The following TMCO1 variants were observed in gnomAD, a reference collection of about 807,000 sequenced individuals.
The protein encoded by TMCO1 is transmembrane and coiled-coil domains 1, also known as calcium load-activated calcium channel.
A neutral mutation model predicts 29.3 loss-of-function variants in TMCO1; 29 were observed. That is an observed-to-expected ratio of 0.99 (90% CI 0.74 to 1.35). TMCO1 has a LOEUF of 1.35. Among genes scored for constraint, TMCO1 ranks in the 40% most tolerant of loss-of-function variants. The pLI is 0.00. For synonymous variants in TMCO1, 80 were observed against 77.1 expected (o/e 1.04, Z -0.20); for missense variants, 173 against 225.5 (o/e 0.77, Z 1.49).
chr1:165,732,389 A>T lies in TMCO1; in HGVS notation c.469-4268T>A, dbSNP rs1477622842. ...GAATAAAAAAATCACATAAAGAAGC[A>T]AAAAAAAAAAAAAAAAGGAATAAAA... On this transcript the variant is annotated intron_variant, in intron 6 of 6. Coordinates refer to ENST00000367881, the MANE Select transcript of TMCO1 (RefSeq NM_019026.6). 3.0e-4 allele frequency among the ~76,000 whole-genome samples: 9 copies of T among 30,256 alleles called. 1 individual carries two copies. The highest frequency in any genetic ancestry group is 1.3e-3 in the African/African-American group (8 of 6,338). 19.8% of individuals were successfully genotyped at this position (30,256 alleles called of 152,430 possible).
At chr1:165,751,973 A>T in intron 5 of TMCO1, 129 bp downstream of exon 5, 1 of 752,948 alleles carries the variant, frequency 1.3e-6, no homozygotes, top group Non-Finnish European at 2.3e-6. Flanking sequence ...TGGATATACT[A>T]TTCTTGCAAC....
At chr1:165,763,203 G>C (rs191147727) in intron 2 of TMCO1, among the ~76,000 whole-genome samples, 1 of 152,034 alleles carries the variant, frequency 6.6e-6, no homozygotes, top group South Asian at 2.1e-4. Context: ...TTCATACTAC[G>C]TTCTGAATAC....
chr1:165,759,524 C>G lies in TMCO1; in HGVS notation c.208+1G>C. On this transcript the variant is annotated splice_donor_variant, in intron 3 of 6. Coordinates refer to ENST00000367881, the MANE Select transcript of TMCO1 (RefSeq NM_019026.6). LOFTEE classifies it high-confidence loss of function. Reference sequence around the variant, plus strand: ...TCATTTTGACTAATATCTCATCTTACCTATTTTCTTTTTCTGTTGTCGACC... The same window carrying G: ...TCATTTTGACTAATATCTCATCTTAGCTATTTTCTTTTTCTGTTGTCGACC... 1 of 1,609,852 alleles carries G rather than the reference C, an allele frequency of 6.2e-7. No homozygotes were observed.
chr1:165,731,425 A>AT (rs1219691631), intron 6 of TMCO1, among the ~76,000 whole-genome samples: 2 of 152,230 alleles, frequency 1.3e-5, no homozygotes, highest in African/African-American at 2.4e-5. Context: ...GCTGATAAAC[A>AT]TATTTGTCTA....
chr1:165,753,579 A>G (rs1297801607), intron 4 of TMCO1, among the ~76,000 whole-genome samples: 3 of 151,264 alleles, frequency 2.0e-5, no homozygotes, highest in Non-Finnish European at 4.4e-5. Flanking sequence ...ACTTGAGCCC[A>G]GGAATTCAAG....
intron 5 of TMCO1, among the ~76,000 whole-genome samples, chr1:165,744,482 T>C (rs1651714736): frequency 6.6e-6 from 1 of 152,178 alleles, no homozygotes. Flanking sequence ...AGAAGTTATG[T>C]GTTAAATGAC....
In TMCO1 at chr1:165,753,958, T is replaced by G. The variant is rs186074805; in HGVS notation, c.255+270A>C. Among the ~76,000 whole-genome samples the G allele has an allele frequency of 1.6e-3, 240 of 152,120 alleles. 1 individual carries two copies. Among genetic ancestry groups the G allele is most frequent in the Non-Finnish European group, 2.6e-3 (175 of 68,028 alleles). ...GAAAAAGAAAATAAACTACTTCATT[T>G]GAAAACATAAGAGGGAACTAAGAAC... is the stretch of plus-strand genomic sequence containing the variant. On this transcript the variant is annotated intron_variant, in intron 4 of 6. Coordinates refer to ENST00000367881, the MANE Select transcript of TMCO1 (RefSeq NM_019026.6).
intron 1 of TMCO1, 39 bp downstream of exon 1, chr1:165,768,643 C>G (rs773622482): frequency 1.2e-6 from 2 of 1,613,912 alleles, no homozygotes; most frequent in East Asian, 4.5e-5. Context: ...CCCTTCCTCC[C>G]GGGGACTGAT....
In TMCO1 at chr1:165,743,292, C is replaced by T. The variant is rs1319496801; in HGVS notation, c.343G>A (p.Ala115Thr). The T allele has an allele frequency of 6.2e-6, 10 of 1,612,426 alleles. No individual in the cohort carries two copies. Among genetic ancestry groups the T allele is most frequent in the Non-Finnish European group, 8.5e-6 (10 of 1,179,522 alleles). ...GAAAGAGGGGTAAAAGGAAGCTTTG[C>T]CACCACTCTACCATCAAATCTAAAA... is the stretch of plus-strand genomic sequence containing the variant. The part of the protein sequence containing the change: ...FNSIFDGRVV[A>T]KLPFTPLSYI... The change falls in exon 6 of 7, where the codon GCA (alanine) becomes ACA (threonine). Residue 115 changes from alanine to threonine, a missense_variant. Transcript: ENST00000367881.
At chr1:165,743,456 A>G in intron 5 of TMCO1, 145 bp from the exon 6 acceptor site, 2 of 766,246 alleles carry the variant, frequency 2.6e-6, no homozygotes, top group Non-Finnish European at 4.3e-6. Flanking sequence ...AAAAATACAC[A>G]TGAACCTGAT....
chr1:165,758,894 G>A (rs1652297183), intron 3 of TMCO1, among the ~76,000 whole-genome samples: 1 of 152,072 alleles, frequency 6.6e-6, no homozygotes, highest in Non-Finnish European at 1.5e-5. Flanking sequence ...CAGTGACCTA[G>A]GGATACAGAC....
At chr1:165,747,048 G>C (rs1651824294) in intron 5 of TMCO1, among the ~76,000 whole-genome samples, 1 of 152,002 alleles carries the variant, frequency 6.6e-6, no homozygotes, top group Non-Finnish European at 1.5e-5. Flanking sequence ...ATCACTTGAG[G>C]TCAGGAGCTC....
At chr1:165,750,542 A>AG (rs1295908362) in intron 5 of TMCO1, among the ~76,000 whole-genome samples, 1 of 81,610 alleles carries the variant, frequency 1.2e-5, no homozygotes, top group Non-Finnish European at 2.9e-5. Flanking sequence ...ACTCCGTCTC[A>AG]AAAAAAAAAA....
At chr1:165,725,850 A>AC (rs1406577379), downstream of TMCO1, 1 of 497,382 alleles carries the variant, frequency 2.0e-6, no homozygotes. Context: ...GAGTGAATAT[A>AC]CATAAGCAGA....
intron 5 of TMCO1, among the ~76,000 whole-genome samples, chr1:165,748,664 CT>C (rs1349614304): frequency 2.6e-5 from 4 of 152,150 alleles, no homozygotes; most frequent in Admixed American, 6.5e-5. Flanking sequence ...GAGAATGCTG[CT>C]TTCACAGGGA....
chr1:165,724,418 A>G (rs923687394), downstream of TMCO1: 4 of 454,038 alleles, frequency 8.8e-6, no homozygotes, highest in African/African-American at 6.0e-5. Context: ...AAAACTCTAC[A>G]AGGTAAACAA....
intron 4 of TMCO1, among the ~76,000 whole-genome samples, chr1:165,753,106 G>C (rs1370549615): frequency 5.9e-5 from 9 of 152,124 alleles, no homozygotes; most frequent in Non-Finnish European, 1.5e-5. Flanking sequence ...AATAAATAAT[G>C]AGGAAATTGG....
intron 1 of TMCO1, 94 bp downstream of exon 1, chr1:165,768,588 G>A: frequency 5.0e-6 from 8 of 1,603,098 alleles, no homozygotes; most frequent in Admixed American, 1.7e-5. Context: ...TCTCAAGCAA[G>A]TAAGGCTCGC....
chr1:165,753,855 C>T (rs1290146613), intron 4 of TMCO1, among the ~76,000 whole-genome samples: 1 of 152,016 alleles, frequency 6.6e-6, no homozygotes, highest in East Asian at 1.9e-4. Context: ...TAATAAAAGC[C>T]ATTTATAATG....
Sources: allele counts gnomAD v4.1 joint callset (sites outside exome capture counted in the v4.1 genomes callset), GRCh38; gene constraint gnomAD v4.1.1; transcripts MANE v1.5; gene names NCBI Gene and HGNC (gene_info 2026-07-23, HGNC 2026-07-21).